Variants in ZRANB1 observed in about 807,000 individuals in gnomAD.
The protein encoded by ZRANB1 is ubiquitin thioesterase ZRANB1.
A neutral mutation model predicts 80.5 loss-of-function variants in ZRANB1; 16 were observed. The observed-to-expected ratio is 0.20, with a 90% CI of 0.13 to 0.30. The LOEUF is 0.30. Ranked by LOEUF, ZRANB1 falls within the 10% of genes least tolerant of loss-of-function variation. The pLI is 1.00. For missense variants in ZRANB1, 576 were observed against 862.6 expected (o/e 0.67, Z 4.16); for synonymous variants, 291 against 293.1 (o/e 0.99, Z 0.07).
chr10:124,977,517 C>G (rs1951888283), intron 5 of ZRANB1, among the ~76,000 whole-genome samples: 2 of 151,488 alleles, frequency 1.3e-5, no homozygotes. Context: ...CAAGACAAGC[C>G]TTGGCAACAT....
intron 5 of ZRANB1, among the ~76,000 whole-genome samples, chr10:124,980,639 G>A (rs1281452439): frequency 2.6e-5 from 4 of 152,136 alleles, no homozygotes; most frequent in African/African-American, 9.7e-5. Context: ...CAGTTACGTG[G>A]AGTATGAAAA....
At chr10:124,958,100 C>T (rs113253017) in intron 1 of ZRANB1, among the ~76,000 whole-genome samples, 24 of 152,340 alleles carry the variant, frequency 1.6e-4, no homozygotes, top group African/African-American at 5.8e-4. Flanking sequence ...TTTATCCTTT[C>T]CTCAGTTGAT....
the ZRANB1 span, among the ~76,000 whole-genome samples, chr10:124,926,987 C>G: frequency 1.3e-5 from 2 of 152,166 alleles, no homozygotes; most frequent in Admixed American, 1.3e-4. Context: ...GATGGAGTCT[C>G]GCTGTCGCCC....
At chr10:124,981,489 C>A in intron 5 of ZRANB1, 1 of 329,466 alleles carries the variant, frequency 3.0e-6, no homozygotes. Flanking sequence ...GTCGGTAAAT[C>A]AAATTCTGAC....
At chr10:124,964,407 T>C (rs867874232) in intron 1 of ZRANB1, among the ~76,000 whole-genome samples, 1 of 152,204 alleles carries the variant, frequency 6.6e-6, no homozygotes, top group South Asian at 2.1e-4. Context: ...AAGATGAGAT[T>C]CTTCTAGACT....
chr10:124,921,677 G>A, the ZRANB1 span, among the ~76,000 whole-genome samples: 4 of 151,914 alleles, frequency 2.6e-5, no homozygotes, highest in African/African-American at 9.7e-5. Context: ...TCAAGTGTCA[G>A]AAACCTTTTA....
intron 1 of ZRANB1, among the ~76,000 whole-genome samples, chr10:124,959,829 G>A (rs964053126): frequency 6.6e-6 from 1 of 152,204 alleles, no homozygotes; most frequent in East Asian, 1.9e-4. Flanking sequence ...ACTCACCCTA[G>A]TGTAGAGGGA....
In ZRANB1 at chr10:124,983,144, A is replaced by C. The variant is rs980183377; in HGVS notation, c.1549-31A>C. 2 of 1,591,998 alleles carry C rather than the reference A, an allele frequency of 1.3e-6. No homozygotes were observed. Among genetic ancestry groups the C allele is most frequent in the Non-Finnish European group, 1.7e-6 (2 of 1,169,464 alleles). On this transcript the variant is annotated intron_variant, in intron 6 of 8. Transcript: ENST00000359653. The surrounding 1 kb of genome is among the most constrained non-coding windows in gnomAD (Gnocchi z 6.2). ...ATCAGTTTTCCAGGAGTGGTAATAA[A>C]TGTTTTAAGTTTTTGTTTTGTTTCG...
At position 124,986,527 on chromosome 10, in the gene ZRANB1, G is replaced by T. The variant is rs1371093002; in HGVS notation, c.*1535G>T. The T allele has an allele frequency of 1.3e-5, 2 of 152,126 alleles. No homozygotes were observed. Among genetic ancestry groups the T allele is most frequent in the Admixed American group, 1.3e-4 (2 of 15,276 alleles). 9.4% of individuals were successfully genotyped at this position (152,126 alleles called of 1,614,324 possible). A position where few individuals can be genotyped will look rare whatever the true frequency, so the allele number is the denominator to read the frequency against. The stretch of plus-strand genomic sequence containing the variant: ...TAAAAAGGTGTTCCCAGGATGAAAA[G>T]ATCATTTTTTGCTGCATGCTAAATC... On this transcript the variant is annotated 3_prime_UTR_variant, in exon 9 of 9. Transcript: ENST00000359653.
chr10:124,960,462 C>T (rs923418143), intron 1 of ZRANB1, among the ~76,000 whole-genome samples: 4 of 152,208 alleles, frequency 2.6e-5, no homozygotes, highest in African/African-American at 9.6e-5. Context: ...GACAGGGTCT[C>T]ACTCTGTTAC....
Position 124,988,025 on chromosome 10 carries a change from T to C in ZRANB1, c.*3033T>C, listed in dbSNP as rs559340711. 1 of 152,688 alleles carries C rather than the reference T, an allele frequency of 6.5e-6. No homozygotes were observed. Among genetic ancestry groups the C allele is most frequent in the East Asian group, 1.9e-4 (1 of 5,180 alleles). The allele number at this position is 152,688 out of a possible 1,614,324, so 9.5% of individuals were successfully genotyped here. On this transcript the variant is annotated 3_prime_UTR_variant, in exon 9 of 9. Transcript: ENST00000359653. ...TGAACCAGGTCCAGGTCATTTTGCTTTGGGGTAGATTAAAGTCAGAACTCT... is the reference window on the plus strand; with the variant it reads ...TGAACCAGGTCCAGGTCATTTTGCTCTGGGGTAGATTAAAGTCAGAACTCT...
At chr10:124,977,110 G>A (rs896243914) in intron 5 of ZRANB1, among the ~76,000 whole-genome samples, 2 of 151,658 alleles carry the variant, frequency 1.3e-5, no homozygotes, top group Non-Finnish European at 2.9e-5. Flanking sequence ...GGCTGGGACT[G>A]TAGGAGTGTG....
chr10:124,960,565 T>C (rs1021035069), intron 1 of ZRANB1, among the ~76,000 whole-genome samples: 1 of 152,124 alleles, frequency 6.6e-6, no homozygotes, highest in South Asian at 2.1e-4. Flanking sequence ...ACTACAGGCA[T>C]GCGTCACTAT....
chr10:124,969,943 T>G (rs1951808046), intron 2 of ZRANB1, among the ~76,000 whole-genome samples: 1 of 152,136 alleles, frequency 6.6e-6, no homozygotes, highest in Non-Finnish European at 1.5e-5. Context: ...GGGCTAAGTT[T>G]CTTTTAGAAT....
upstream of ZRANB1, among the ~76,000 whole-genome samples, chr10:124,937,713 A>C (rs1401430986): frequency 6.6e-6 from 1 of 152,190 alleles, no homozygotes; most frequent in Non-Finnish European, 1.5e-5. Flanking sequence ...CTGCACTTTT[A>C]TTATCTGAAT....
chr10:124,926,959 C>CT, the ZRANB1 span, among the ~76,000 whole-genome samples: 1 of 151,992 alleles, frequency 6.6e-6, no homozygotes, highest in Non-Finnish European at 1.5e-5. Flanking sequence ...CTGTAATTCT[C>CT]TTTTTTTCTT....
intron 1 of ZRANB1, among the ~76,000 whole-genome samples, chr10:124,956,251 AT>A (rs1242714534): frequency 2.0e-5 from 3 of 152,230 alleles, no homozygotes; most frequent in African/African-American, 4.8e-5. Flanking sequence ...TATCCTTTAA[AT>A]ATCAAGTATA....
upstream of ZRANB1, among the ~76,000 whole-genome samples, chr10:124,938,665 A>G (rs553132370): frequency 3.3e-5 from 5 of 151,680 alleles, no homozygotes; most frequent in Non-Finnish European, 7.4e-5. Context: ...CATTCCTGCA[A>G]TGTTTCAAGT....
chr10:124,941,224 T>G (rs201124310), upstream of ZRANB1, among the ~76,000 whole-genome samples: 3 of 152,310 alleles, frequency 2.0e-5, no homozygotes, highest in East Asian at 3.9e-4. Flanking sequence ...AAATTTGTTA[T>G]GTAAGTTGCT....
Sources: allele counts gnomAD v4.1 joint callset (sites outside exome capture counted in the v4.1 genomes callset), GRCh38; gene constraint gnomAD v4.1.1; non-coding constraint Gnocchi (gnomAD v3.1); transcripts MANE v1.5; gene names NCBI Gene and HGNC (gene_info 2026-07-23, HGNC 2026-07-21).